The following C6orf15 variants were observed in gnomAD, a reference collection of about 807,000 sequenced individuals.
C6orf15 encodes the protein chromosome 6 open reading frame 15.
In C6orf15, 5 loss-of-function variants were observed where a neutral mutation model predicts 2.8. The observed-to-expected ratio is 1.80, with a 90% confidence interval of 0.94 to 3.78. The LOEUF (loss-of-function observed/expected upper bound fraction) is 3.78, where lower values mean the gene tolerates loss of function less well. Ranked by LOEUF, C6orf15 falls within the 30% of genes most tolerant of loss-of-function variation. The pLI is 0.00. For synonymous variants in C6orf15, 145 were observed against 163.2 expected (o/e 0.89, Z 0.85); for missense variants, 363 against 418.8 (o/e 0.87, Z 1.16).
chr6:31,112,397 T>G (rs1771837774), intron 1 of C6orf15, 92 bp downstream of exon 1: 1 of 1,450,410 alleles, frequency 6.9e-7, no homozygotes, highest in African/African-American at 1.4e-5. Flanking sequence ...GGGACCTAAA[T>G]GTGTACCCTC....
At position 31,112,175 on chromosome 6, in the gene C6orf15, G is replaced by T; in HGVS notation, c.184C>A (p.Gln62Lys). ...STGPSNSEHP[Q>K]PALDPRSNDL... ...TTAGACCTAGGGTCCAGAGCGGGCTGCGGATGTTCAGAGTTAGAGGGGCCA... is the reference window on the plus strand; with the variant it reads ...TTAGACCTAGGGTCCAGAGCGGGCTTCGGATGTTCAGAGTTAGAGGGGCCA... Residue 62 changes from glutamine (Q) to lysine (K), a missense_variant, in exon 2 of 2, where the codon CAG (glutamine) becomes AAG (lysine). Physicochemically the swap from Gln to Lys is moderately conservative, Grantham distance 53. Coordinates refer to ENST00000259870, the MANE Select transcript of C6orf15 (RefSeq NM_014070.3). 3 of 1,614,172 alleles carry T rather than the reference G, an allele frequency of 1.9e-6. No homozygotes were observed. The highest frequency in any genetic ancestry group is 2.5e-6 in the Non-Finnish European group (3 of 1,180,022).
At position 31,111,485 on chromosome 6, in the gene C6orf15, T is replaced by C. The variant is rs762674482; in HGVS notation, c.874A>G (p.Ile292Val). ...SWGNIHLYPG[I>V]NNPFPPGVLR... ...ACTCCAGGAGGAAATGGGTTATTGATACCTGGGTATAGATGAATATTCCCC... is the reference window on the plus strand; with the variant it reads ...ACTCCAGGAGGAAATGGGTTATTGACACCTGGGTATAGATGAATATTCCCC... The change falls in exon 2 of 2, where the codon ATC becomes GTC. Residue 292 changes from isoleucine (I) to valine (V), a missense_variant. Ile to Val is a conservative substitution (Grantham distance 29, BLOSUM62 3). Transcript: ENST00000259870. The C allele has an allele frequency of 1.8e-5, 29 of 1,612,756 alleles. No homozygotes were observed. Among genetic ancestry groups the C allele is most frequent in the Non-Finnish European group, 2.4e-5 (28 of 1,179,928 alleles).
rs575084657 is a variant in C6orf15 at position 31,112,311 on chromosome 6, A to G, written c.68-20T>C. 8 of 1,593,854 alleles carry G rather than the reference A, an allele frequency of 5.0e-6. No homozygotes were observed. Among genetic ancestry groups the G allele is most frequent in the African/African-American group, 4.0e-5 (3 of 74,412 alleles). ...AGAGGCCTGAGGGAAAGGGAAGATAAAGCAACCAGTGGTCTCCAGTCCCCG... is the reference window on the plus strand; with the variant it reads ...AGAGGCCTGAGGGAAAGGGAAGATAGAGCAACCAGTGGTCTCCAGTCCCCG... On this transcript the variant is annotated intron_variant, in intron 1 of 1. Transcript: ENST00000259870.
chr6:31,111,795 TC>T lies in C6orf15; in HGVS notation c.563del (p.Gly188GlufsTer25). On this transcript the variant is annotated frameshift_variant, in exon 2 of 2. Coordinates refer to ENST00000259870, the MANE Select transcript of C6orf15 (RefSeq NM_014070.3). LOFTEE classifies it low-confidence loss of function (END_TRUNC). The part of the protein sequence containing the change: ...LPRSNSLGAG[G>X]KILSQRPPWS... ...AGGGAGGGCGTTGGGAAAGGATTTT[TC>T]CCCCGGCTCCCAGTGAATTAGAACG... is the stretch of plus-strand genomic sequence containing the variant. The T allele has an allele frequency of 6.2e-7, 1 of 1,612,782 alleles. No homozygotes were observed.
Position 31,112,036 on chromosome 6 carries a change from T to G in C6orf15, c.323A>C (p.Asp108Ala), listed in dbSNP as rs551342144. The G allele has an allele frequency of 1.9e-6, 3 of 1,614,080 alleles. No individual in the cohort carries two copies. The South Asian group carries it at 3.3e-5, about 18-fold the overall frequency. ...WPPSWGLPAMDSWPPEDPWQM... is the reference protein window; with the variant it reads ...WPPSWGLPAMASWPPEDPWQM... ...CCAAGGATCCTCAGGGGGCCAGGAA[T>G]CCATGGCAGGCAGCCCCCACGATGG... The change falls in exon 2 of 2, where the codon GAT (aspartate) becomes GCT (alanine). Residue 108 changes from aspartate to alanine, a missense_variant. Physicochemically the swap from Asp to Ala is moderately radical, Grantham distance 126 (BLOSUM62 -2). Coordinates refer to ENST00000259870, the MANE Select transcript of C6orf15 (RefSeq NM_014070.3).
rs1443444813 is a variant in C6orf15 at position 31,112,492 on chromosome 6, G to A, written c.64C>T (p.Pro22Ser). ...AAGGGCATCACGGCCTCCATACCTG[G>A]GAGATGAAGACAGACCAGGAGCAGG... ...LGLLLVCLHL[P>S]GLFARSIGVV... The change falls in exon 1 of 2, where the codon CCA becomes TCA. Residue 22 changes from proline to serine, a missense_variant. Coordinates refer to ENST00000259870, the MANE Select transcript of C6orf15 (RefSeq NM_014070.3). 14 of 1,552,428 alleles carry A rather than the reference G, an allele frequency of 9.0e-6. No homozygotes were observed. Among genetic ancestry groups the A allele is most frequent in the African/African-American group, 1.4e-5 (1 of 73,142 alleles).
chr6:31,111,764 G>C lies in C6orf15; in HGVS notation c.595C>G (p.Leu199Val). The part of the protein sequence containing the change: ...KILSQRPPWS[L>V]IHRVLPDHPW... ...TGATCAGGCAGAACCCTGTGGATGA[G>C]AGACCAGGGAGGGCGTTGGGAAAGG... The change falls in exon 2 of 2, where the codon CTC becomes GTC. Residue 199 changes from leucine (L) to valine (V), a missense_variant. Leu to Val is a conservative substitution (Grantham distance 32). Coordinates refer to ENST00000259870, the MANE Select transcript of C6orf15 (RefSeq NM_014070.3). The C allele has an allele frequency of 2.5e-6, 4 of 1,612,832 alleles. No homozygotes were observed. Among genetic ancestry groups the C allele is most frequent in the African/African-American group, 1.3e-5 (1 of 75,014 alleles).
In C6orf15 at chr6:31,111,330, G is replaced by C; in HGVS notation, c.*51C>G. On this transcript the variant is annotated 3_prime_UTR_variant, in exon 2 of 2. Coordinates refer to ENST00000259870, the MANE Select transcript of C6orf15 (RefSeq NM_014070.3). The stretch of plus-strand genomic sequence containing the variant: ...GCCTGGATTGAGCCCACACAGCAAG[G>C]GGCGGGAGCAGGACTCTAACTCCCA... The C allele has an allele frequency of 6.8e-7, 1 of 1,475,676 alleles. No homozygotes were observed. The highest frequency in any genetic ancestry group is 9.1e-7 in the Non-Finnish European group (1 of 1,094,856). 91.4% of individuals were successfully genotyped at this position (1,475,676 alleles called of 1,614,324 possible).
intron 1 of C6orf15, 35 bp from the exon 2 acceptor site, chr6:31,112,326 T>C (rs2233972): frequency 0.064 from 100,140 of 1,574,598 alleles, 4,016 homozygotes; most frequent in South Asian, 0.13. Context: ...ACCAGTGGTC[T>C]CCAGTCCCCG....
At position 31,111,683 on chromosome 6, in the gene C6orf15, C is replaced by G; in HGVS notation, c.676G>C (p.Gly226Arg). Residue 226 changes from glycine to arginine, a missense_variant, in exon 2 of 2, where the codon GGT becomes CGT. Transcript: ENST00000259870. ...VSWGGGGPGTGWGTRPMPHPE... is the reference protein window; with the variant it reads ...VSWGGGGPGTRWGTRPMPHPE... ...TGTGGCATGGGCCTCGTTCCCCAAC[C>G]AGTCCCAGGGCCTCCACCTCCCCAG... is the stretch of plus-strand genomic sequence containing the variant. 3 of 1,610,038 alleles carry G rather than the reference C, an allele frequency of 1.9e-6. No homozygotes were observed. Among genetic ancestry groups the G allele is most frequent in the Non-Finnish European group, 1.7e-6 (2 of 1,177,892 alleles).
Position 31,111,250 on chromosome 6 carries a change from G to A in C6orf15, c.*131C>T, listed in dbSNP as rs1045035295. The stretch of plus-strand genomic sequence containing the variant: ...CCATAAGTGCTTTTATTTTATTGGA[G>A]ATGAGCAGGGGAGGCACTGAAAAGT... On this transcript the variant is annotated 3_prime_UTR_variant, in exon 2 of 2. Coordinates refer to ENST00000259870, the MANE Select transcript of C6orf15 (RefSeq NM_014070.3). 12 of 772,598 alleles carry A rather than the reference G, an allele frequency of 1.6e-5. No homozygotes were observed. In the African/African-American group the frequency reaches 1.9e-4, roughly 12 times the overall value. The allele number at this position is 772,598 out of a possible 1,614,324, so 47.9% of individuals were successfully genotyped here. A position where few individuals can be genotyped will look rare whatever the true frequency, so the allele number is the denominator to read the frequency against.
In C6orf15 at chr6:31,111,741, A is replaced by C; in HGVS notation, c.618T>G (p.Asp206Glu). The C allele has an allele frequency of 6.2e-7, 1 of 1,612,010 alleles. No individual in the cohort carries two copies. Among genetic ancestry groups the C allele is most frequent in the Non-Finnish European group, 8.5e-7 (1 of 1,179,392 alleles). Residue 206 changes from aspartate (D) to glutamate (E), a missense_variant, in exon 2 of 2, where the codon GAT becomes GAG. Asp to Glu is a conservative substitution (Grantham distance 45). Coordinates refer to ENST00000259870, the MANE Select transcript of C6orf15 (RefSeq NM_014070.3). ...PWSLIHRVLP[D>E]HPWGTLNPSV... Reference sequence around the variant, plus strand: ...TGGGATTCAGGGTACCCCAGGGGTGATCAGGCAGAACCCTGTGGATGAGAG... The same window carrying C: ...TGGGATTCAGGGTACCCCAGGGGTGCTCAGGCAGAACCCTGTGGATGAGAG...
Position 31,111,264 on chromosome 6 carries a change from G to T in C6orf15, c.*117C>A, listed in dbSNP as rs1287253780. ...ATTTTATTGGAGATGAGCAGGGGAG[G>T]CACTGAAAAGTGGGGATAGTGCTGG... On this transcript the variant is annotated 3_prime_UTR_variant, in exon 2 of 2. Transcript: ENST00000259870. The T allele has an allele frequency of 2.3e-6, 2 of 856,692 alleles. No homozygotes were observed. The highest frequency in any genetic ancestry group is 1.9e-5 in the South Asian group (1 of 51,644). The allele number at this position is 856,692 out of a possible 1,614,324, so 53.1% of individuals were successfully genotyped here.
In C6orf15 at chr6:31,111,490, G is replaced by A. The variant is rs761350579; in HGVS notation, c.869C>T (p.Pro290Leu). 3 of 1,612,892 alleles carry A rather than the reference G, an allele frequency of 1.9e-6. No homozygotes were observed. Among genetic ancestry groups the A allele is most frequent in the Middle Eastern group, 1.7e-4 (1 of 6,058 alleles). ...AGGAGGAAATGGGTTATTGATACCT[G>A]GGTATAGATGAATATTCCCCCAGCT... ...GGSWGNIHLY[P>L]GINNPFPPGV... The change falls in exon 2 of 2, where the codon CCA becomes CTA. Residue 290 changes from proline to leucine, a missense_variant. Pro to Leu is a moderately conservative substitution (Grantham distance 98). Coordinates refer to ENST00000259870, the MANE Select transcript of C6orf15 (RefSeq NM_014070.3).
chr6:31,111,429 G>A lies in C6orf15; in HGVS notation c.930C>T (p.Ile310=), dbSNP rs745500461. 4.3e-6 allele frequency: 7 copies of A among 1,611,258 alleles called. No individual in the cohort carries two copies. Among genetic ancestry groups the A allele is most frequent in the Non-Finnish European group, 4.2e-6 (5 of 1,178,676 alleles). Residue 310 remains isoleucine (I), a synonymous_variant, in exon 2 of 2, where the codon ATC becomes ATT. Coordinates refer to ENST00000259870, the MANE Select transcript of C6orf15 (RefSeq NM_014070.3). The part of the protein sequence containing the change: ...VLRPPGSSWN[I]PAGFPNPPSP... ...TTGGAGGATTAGGGAAGCCAGCTGG[G>A]ATGTTCCAAGAAGAGCCAGGAGGGC...
chr6:31,111,750 AACCC>A lies in C6orf15; in HGVS notation c.605_608del (p.Arg202IlefsTer10), dbSNP rs1262564709. On this transcript the variant is annotated frameshift_variant, in exon 2 of 2. Transcript: ENST00000259870. LOFTEE classifies it low-confidence loss of function (END_TRUNC). ...GGGTACCCCAGGGGTGATCAGGCAG[AACCC>A]TGTGGATGAGAGACCAGGGAGGGCG... is the stretch of plus-strand genomic sequence containing the variant. The A allele has an allele frequency of 6.2e-7, 1 of 1,612,582 alleles. No homozygotes were observed. The highest frequency in any genetic ancestry group is 8.5e-7 in the Non-Finnish European group (1 of 1,179,802).
Position 31,111,738 on chromosome 6 carries a change from G to T in C6orf15, c.621C>A (p.His207Gln), listed in dbSNP as rs1252303463. The T allele has an allele frequency of 1.9e-6, 3 of 1,611,890 alleles. No homozygotes were observed. The highest frequency in any genetic ancestry group is 4.5e-5 in the East Asian group (2 of 44,860). The change falls in exon 2 of 2, where the codon CAC (histidine) becomes CAA (glutamine). Residue 207 changes from histidine to glutamine, a missense_variant. Coordinates refer to ENST00000259870, the MANE Select transcript of C6orf15 (RefSeq NM_014070.3). ...CACTGGGATTCAGGGTACCCCAGGGGTGATCAGGCAGAACCCTGTGGATGA... is the reference window on the plus strand; with the variant it reads ...CACTGGGATTCAGGGTACCCCAGGGTTGATCAGGCAGAACCCTGTGGATGA... ...WSLIHRVLPD[H>Q]PWGTLNPSVS... is the part of the protein sequence containing the mutation.
rs773560980 is a variant in C6orf15 at position 31,112,129 on chromosome 6, A to G, written c.230T>C (p.Leu77Pro). The G allele has an allele frequency of 2.5e-6, 4 of 1,614,008 alleles. No homozygotes were observed. Among genetic ancestry groups the G allele is most frequent in the Non-Finnish European group, 3.4e-6 (4 of 1,179,992 alleles). ...ATCTGATGCAGGCACGCTGAGCTTC[A>G]GAGGAACCCTTGCCAAGTCATTAGA... ...PRSNDLARVP[L>P]KLSVPASDGF... is the part of the protein sequence containing the mutation. The change falls in exon 2 of 2, where the codon CTG becomes CCG. Residue 77 changes from leucine (L) to proline (P), a missense_variant. Transcript: ENST00000259870.
intron 1 of C6orf15, 83 bp downstream of exon 1, chr6:31,112,406 T>G: frequency 1.4e-6 from 2 of 1,447,736 alleles, no homozygotes; most frequent in Non-Finnish European, 1.9e-6. Context: ...ATGTGTACCC[T>G]CCTGCCTTTA....
Sources: gnomAD v4.1 joint callset for allele counts on GRCh38, gnomAD v4.1.1 for gene constraint, MANE v1.5 for transcripts, NCBI Gene and HGNC (gene_info 2026-07-23, HGNC 2026-07-21) for gene names.